Variants in EIF3A observed in about 807,000 individuals in gnomAD.
EIF3A encodes the protein EIF3, p180 subunit.
Under a neutral mutation model 186.6 loss-of-function variants are expected in EIF3A, and 21 were observed. The ratio of observed to expected loss-of-function variants is 0.11; its 90% CI spans 0.08 to 0.16. The LOEUF (loss-of-function observed/expected upper bound fraction) is 0.16, where lower values mean the gene tolerates loss of function less well. Ranked by LOEUF, EIF3A falls within the 10% of genes least tolerant of loss-of-function variation. The pLI, the probability that EIF3A is intolerant of heterozygous loss-of-function variation, is 1.00. For missense variants in EIF3A, 1,306 were observed against 1,796.3 expected, an observed-to-expected ratio of 0.73 and a Z score of 4.93; for synonymous variants, 563 against 584.3, an observed-to-expected ratio of 0.96 and a Z score of 0.52.
chr10:119,046,230 C>G (rs556191968), intron 17 of EIF3A, among the ~76,000 whole-genome samples: 4 of 152,092 alleles, frequency 2.6e-5, no homozygotes, highest in African/African-American at 9.7e-5. Context: ...CAGAGTAAGA[C>G]CAAAATCCTC....
chr10:119,065,222 C>G (rs1265076690), intron 7 of EIF3A, among the ~76,000 whole-genome samples, 177 bp downstream of exon 7: 1 of 152,184 alleles, frequency 6.6e-6, no homozygotes, highest in African/African-American at 2.4e-5. Flanking sequence ...TTAACCCCTG[C>G]TCACCCACTG....
rs769916354 is a variant in EIF3A at position 119,050,608 on chromosome 10, T to G, written c.2386A>C (p.Arg796=). 1.9e-6 allele frequency: 3 copies of G among 1,613,738 alleles called. No homozygotes were observed. The highest frequency in any genetic ancestry group is 2.5e-6 in the Non-Finnish European group (3 of 1,179,802). Residue 796 remains arginine (R), a synonymous_variant, in exon 16 of 22, where the codon AGG becomes CGG. Transcript: ENST00000369144. ...ATCCTGCGTTCTTCTTTACGCTGCC[T>G]TTTCCGTTCTTCCAATCGATTATGC... ...ERHNRLEERK[R]QRKEERRITY...
chr10:119,070,011 C>T (rs892857236), intron 5 of EIF3A, among the ~76,000 whole-genome samples: 2 of 152,040 alleles, frequency 1.3e-5, no homozygotes, highest in Non-Finnish European at 1.5e-5. Context: ...CTTCTTTTAA[C>T]TTATGGATTT....
intron 7 of EIF3A, among the ~76,000 whole-genome samples, chr10:119,062,179 C>T (rs1843899136): frequency 6.6e-6 from 1 of 152,046 alleles, no homozygotes; most frequent in Non-Finnish European, 1.5e-5. Flanking sequence ...AATAAAATTC[C>T]CTAACTTAGA....
chr10:119,051,460 T>A, intron 14 of EIF3A, 139 bp from the exon 15 acceptor site: 1 of 787,222 alleles, frequency 1.3e-6, no homozygotes, highest in Non-Finnish European at 1.9e-6. Flanking sequence ...AAACGTTAAC[T>A]ACATCCATGT....
intron 19 of EIF3A, among the ~76,000 whole-genome samples, chr10:119,041,217 T>C (rs751587149): frequency 4.5e-4 from 69 of 151,776 alleles, no homozygotes; most frequent in East Asian, 3.9e-4. Flanking sequence ...GTCACAAACA[T>C]GTATACAACT....
chr10:119,078,834 C>T (rs762813657), intron 1 of EIF3A, among the ~76,000 whole-genome samples: 1 of 151,994 alleles, frequency 6.6e-6, no homozygotes, highest in Non-Finnish European at 1.5e-5. Context: ...CATATCTTTT[C>T]TATATGAAGT....
At chr10:119,046,619 G>C (rs756006708) in intron 17 of EIF3A, among the ~76,000 whole-genome samples, 6 of 152,230 alleles carry the variant, frequency 3.9e-5, no homozygotes, top group Non-Finnish European at 7.3e-5. Context: ...AGAGGCAAAG[G>C]AAAGTTGTAA....
In EIF3A at chr10:119,036,249, A is replaced by G. The variant is rs765042298; in HGVS notation, c.3939T>C (p.Ala1313=). Reference sequence around the variant, plus strand: ...CCACCCGGTCATCTTTCCTGTCATCAGCACGTCTCCAAGAACTTACTAAAA... The same window carrying G: ...CCACCCGGTCATCTTTCCTGTCATCGGCACGTCTCCAAGAACTTACTAAAA... ...EREEVSSWRR[A]DDRKDDRVEE... The change falls in exon 22 of 22, where the codon GCT becomes GCC. Residue 1313 remains alanine (A), a synonymous_variant. Transcript: ENST00000369144. 9.3e-6 allele frequency: 15 copies of G among 1,613,604 alleles called. No homozygotes were observed. Among genetic ancestry groups the G allele is most frequent in the Middle Eastern group, 1.6e-4 (1 of 6,084 alleles).
chr10:119,059,618 C>CTGG lies in EIF3A; in HGVS notation c.1424_1426dup (p.Ala475_Arg476insThr). 1 of 1,614,014 alleles carries CTGG rather than the reference C, an allele frequency of 6.2e-7. No homozygotes were observed. The highest frequency in any genetic ancestry group is 2.2e-5 in the East Asian group (1 of 44,884). On this transcript the variant is annotated inframe_insertion, in exon 10 of 22. Transcript: ENST00000369144. ...CATACCTACCTGCAAGTCGCAATGC[C>CTGG]TGGCTGCATCTACTATGGCCCGTTC... is the stretch of plus-strand genomic sequence containing the variant.
chr10:119,073,476 A>T lies in EIF3A; in HGVS notation c.342T>A (p.Asp114Glu). 1 of 1,607,672 alleles carries T rather than the reference A, an allele frequency of 6.2e-7. No individual in the cohort carries two copies. The highest frequency in any genetic ancestry group is 8.5e-7 in the Non-Finnish European group (1 of 1,174,330). The part of the protein sequence containing the change: ...AKEESQQMVL[D>E]IEDLDNIQTP... Reference sequence around the variant, plus strand: ...TTTGAATATTATCTAGATCCTCTATATCTAAGACCATCTGCTGAGATTCTT... The same window carrying T: ...TTTGAATATTATCTAGATCCTCTATTTCTAAGACCATCTGCTGAGATTCTT... The change falls in exon 3 of 22, where the codon GAT becomes GAA. Residue 114 changes from aspartate (D) to glutamate (E), a missense_variant. Transcript: ENST00000369144.
intron 1 of EIF3A, among the ~76,000 whole-genome samples, chr10:119,076,031 TTTTTC>T (rs992510290): frequency 6.9e-6 from 1 of 145,830 alleles, no homozygotes; most frequent in African/African-American, 2.5e-5. Flanking sequence ...CAGCCAATAC[TTTTTC>T]TTTTAAGAGC....
rs1353107199 is a variant in EIF3A, at chr10:119,066,095, G to A, written c.951-525C>T. ...CGCGCCACTGCACTCCAGCCTGGGC[G>A]ACAGAGCCAGACTCTGTCTCAAAAA... On this transcript the variant is annotated intron_variant, in intron 6 of 21. Coordinates refer to ENST00000369144, the MANE Select transcript of EIF3A (RefSeq NM_003750.4). Among the ~76,000 whole-genome samples the A allele has an allele frequency of 4.0e-5, 6 of 151,526 alleles. No individual in the cohort carries two copies. The East Asian group carries it at 5.8e-4, about 15-fold the overall frequency.
chr10:119,068,361 AG>A (rs1844013246), intron 6 of EIF3A, among the ~76,000 whole-genome samples: 1 of 152,184 alleles, frequency 6.6e-6, no homozygotes, highest in Non-Finnish European at 1.5e-5. Context: ...TTTTGCAATC[AG>A]GAAAAAATGA....
At chr10:119,046,776 T>C (rs1009715417) in intron 17 of EIF3A, among the ~76,000 whole-genome samples, 4 of 151,568 alleles carry the variant, frequency 2.6e-5, no homozygotes, top group African/African-American at 7.3e-5. Context: ...CTGGCCAACA[T>C]GGTTAAATTC....
At chr10:119,059,447 C>T (rs1423448450) in intron 10 of EIF3A, 50 bp from the exon 11 acceptor site, 11 of 1,384,150 alleles carry the variant, frequency 7.9e-6, no homozygotes, top group South Asian at 2.7e-5. Context: ...AGCATGAAGT[C>T]AAAAAGTAAC....
intron 7 of EIF3A, among the ~76,000 whole-genome samples, chr10:119,064,302 G>T (rs565294950): frequency 2.0e-5 from 3 of 152,122 alleles, no homozygotes; most frequent in Non-Finnish European, 4.4e-5. Flanking sequence ...GACACTGAAG[G>T]TAAGTCTACC....
At chr10:119,037,366 A>T (rs577740594) in intron 20 of EIF3A, 57 bp from the exon 21 acceptor site, 7 of 1,472,338 alleles carry the variant, frequency 4.8e-6, no homozygotes, top group African/African-American at 4.2e-5. Context: ...ATGGATAATT[A>T]TAAGTACATC....
chr10:119,076,453 A>G lies in EIF3A; in HGVS notation c.50-2516T>C, dbSNP rs78663289. 1.1e-3 allele frequency among the ~76,000 whole-genome samples: 164 copies of G among 152,190 alleles called. 2 individuals carry two copies. Among genetic ancestry groups the G allele is most frequent in the Non-Finnish European group, 1.9e-3 (128 of 68,000 alleles). ...GACAAAACCCTTCACCACTGCATGA[A>G]AAAGTCCATCTTTCGCTGACTCCAT... On this transcript the variant is annotated intron_variant, in intron 1 of 21. Transcript: ENST00000369144.
Sources: allele counts gnomAD v4.1 joint callset (sites outside exome capture counted in the v4.1 genomes callset), GRCh38; gene constraint gnomAD v4.1.1; transcripts MANE v1.5; gene names NCBI Gene and HGNC (gene_info 2026-07-23, HGNC 2026-07-21).